ENPP6: variants seen among roughly 807,000 people sequenced by gnomAD.
ENPP6 encodes ectonucleotide pyrophosphatase/phosphodiesterase 6, also known as glycerophosphocholine cholinephosphodiesterase ENPP6.
Under a neutral mutation model 42.0 loss-of-function variants are expected in ENPP6, and 32 were observed. The observed-to-expected ratio is 0.76, with a 90% CI of 0.58 to 1.02. ENPP6 has a LOEUF of 1.02. Among genes scored for constraint, ENPP6 ranks in the 50% least tolerant of loss-of-function variants. The pLI is 0.00. For synonymous variants in ENPP6, 213 were observed against 216.0 expected, an observed-to-expected ratio of 0.99 and a Z score of 0.12; for missense variants, 552 against 566.8, an observed-to-expected ratio of 0.97 and a Z score of 0.27.
chr4:184,201,474 C>T (rs990782682), intron 1 of ENPP6, among the ~76,000 whole-genome samples: 1 of 151,452 alleles, frequency 6.6e-6, no homozygotes. Context: ...GTGGACAAGC[C>T]TTCTGGAAAC....
At chr4:184,101,304 TTGTGTGTGTGTGTGTGTGTGTGTGTG>T (rs56174532) in intron 6 of ENPP6, among the ~76,000 whole-genome samples, 3 of 137,098 alleles carry the variant, frequency 2.2e-5, no homozygotes, top group African/African-American at 8.2e-5. Context: ...GTGTGTGAGC[TTGTGTGTGTGTGTGTGTGTGTGTGTG>T]TGTGTGTGTG....
intron 3 of ENPP6, among the ~76,000 whole-genome samples, chr4:184,120,118 A>T (rs545030909): frequency 3.3e-5 from 5 of 152,306 alleles, no homozygotes; most frequent in South Asian, 2.1e-4. Context: ...TCCTCCTTCC[A>T]GGTGGCCCTA....
intron 2 of ENPP6, among the ~76,000 whole-genome samples, chr4:184,127,541 T>C (rs1736524399): frequency 6.6e-6 from 1 of 152,154 alleles, no homozygotes; most frequent in Non-Finnish European, 1.5e-5. Flanking sequence ...AAGCAAGACC[T>C]GAGGTCAGGA....
chr4:184,119,354 TGTGTGTGTGTG>T lies in ENPP6; in HGVS notation c.534-1465_534-1455del, dbSNP rs1736377603. On this transcript the variant is annotated intron_variant, in intron 3 of 7. Transcript: ENST00000296741. ...GTGTGTGTGTGTGTGTGTGTGTGTG[TGTGTGTGTGTG>T]TCTCATTTACTCCTTATAAGCAACT... Among the ~76,000 whole-genome samples, 3 of 122,814 alleles carry T rather than the reference TGTGTGTGTGTG, an allele frequency of 2.4e-5. No individual in the cohort carries two copies. The Admixed American group carries it at 2.8e-4, about 11-fold the overall frequency. The allele number at this position is 122,814 out of a possible 152,430, so 80.6% of individuals were successfully genotyped here. A position where few individuals can be genotyped will look rare whatever the true frequency, so the allele number is the denominator to read the frequency against.
At chr4:184,127,215 ACT>A (rs1298946352) in intron 2 of ENPP6, among the ~76,000 whole-genome samples, 1 of 152,210 alleles carries the variant, frequency 6.6e-6, no homozygotes, top group Non-Finnish European at 1.5e-5. Context: ...AAATTTTGAA[ACT>A]CATGTCATTT....
intron 1 of ENPP6, among the ~76,000 whole-genome samples, chr4:184,186,077 A>C (rs1732631173): frequency 6.6e-6 from 1 of 152,348 alleles, no homozygotes; most frequent in South Asian, 2.1e-4. Flanking sequence ...TCAGTGATTA[A>C]ATAAAGCAAA....
At chr4:184,172,962 G>A (rs1737494024) in intron 1 of ENPP6, among the ~76,000 whole-genome samples, 1 of 152,160 alleles carries the variant, frequency 6.6e-6, no homozygotes, top group Non-Finnish European at 1.5e-5. Flanking sequence ...CTCCCAGGCT[G>A]GAGTGCAGTA....
chr4:184,204,094 C>G (rs186086988), intron 1 of ENPP6: 1 of 152,190 alleles, frequency 6.6e-6, no homozygotes, highest in African/African-American at 2.4e-5. Flanking sequence ...GTGGTCTTCC[C>G]TCTGTGCCCG....
At position 184,088,919 on chromosome 4, in the gene ENPP6, A is replaced by G. The variant is rs1482701769; in HGVS notation, c.*2258T>C. The G allele has an allele frequency of 6.6e-6, 1 of 152,222 alleles. No homozygotes were observed. The highest frequency in any genetic ancestry group is 1.5e-5 in the Non-Finnish European group (1 of 68,040). The allele number at this position is 152,222 out of a possible 1,614,324, so 9.4% of individuals were successfully genotyped here. A position where few individuals can be genotyped will look rare whatever the true frequency, so the allele number is the denominator to read the frequency against. On this transcript the variant is annotated 3_prime_UTR_variant, in exon 8 of 8. Transcript: ENST00000296741. ...GGAAAATGGCAGAAGAGTTCAGGAA[A>G]GACAAAAATGCAAGACTGTGTCTAA...
intron 1 of ENPP6, among the ~76,000 whole-genome samples, chr4:184,202,264 A>G (rs914237141): frequency 6.6e-6 from 1 of 152,188 alleles, no homozygotes; most frequent in Non-Finnish European, 1.5e-5. Flanking sequence ...CTTTACTCAG[A>G]CTTCAGAAGA....
intron 1 of ENPP6, among the ~76,000 whole-genome samples, chr4:184,202,488 A>C (rs1732918996): frequency 1.3e-5 from 2 of 152,030 alleles, no homozygotes; most frequent in Non-Finnish European, 1.5e-5. Context: ...ACTTTCATCA[A>C]TTGCACGTTT....
chr4:184,137,223 A>C (rs1050487452), intron 2 of ENPP6, among the ~76,000 whole-genome samples: 1 of 152,246 alleles, frequency 6.6e-6, no homozygotes, highest in Admixed American at 6.5e-5. Context: ...CAGCCTCCTG[A>C]GTAGCTGGGA....
chr4:184,150,253 G>T (rs984895717), intron 2 of ENPP6, among the ~76,000 whole-genome samples: 1 of 152,080 alleles, frequency 6.6e-6, no homozygotes, highest in Non-Finnish European at 1.5e-5. Context: ...TTCACTGTGG[G>T]TCAATTTTTC....
chr4:184,091,033 A>G lies in ENPP6; in HGVS notation c.*144T>C. 2.7e-6 allele frequency: 2 copies of G among 748,414 alleles called. No individual in the cohort carries two copies. The highest frequency in any genetic ancestry group is 3.9e-6 in the Non-Finnish European group (2 of 516,876). 46.4% of individuals were successfully genotyped at this position (748,414 alleles called of 1,614,324 possible). ...ACAAGTAGGAACTTTTATGTATAGA[A>G]TTATCCAAGAATAATGTATTTACAA... On this transcript the variant is annotated 3_prime_UTR_variant, in exon 8 of 8. Transcript: ENST00000296741.
Position 184,213,051 on chromosome 4 carries a change from A to T in ENPP6, c.241+4528T>A, listed in dbSNP as rs1410630326. Among the ~76,000 whole-genome samples the T allele has an allele frequency of 3.9e-5, 6 of 151,936 alleles. No homozygotes were observed. In the East Asian group the frequency reaches 5.8e-4, roughly 15 times the overall value. ...GGCTAGCCATATGGAGAAAGCTGAAACTGGATCCCTTCCTTACACCTTATA... is the reference window on the plus strand; with the variant it reads ...GGCTAGCCATATGGAGAAAGCTGAATCTGGATCCCTTCCTTACACCTTATA... On this transcript the variant is annotated intron_variant, in intron 1 of 7. Transcript: ENST00000296741.
At chr4:184,196,094 C>G (rs1371552284) in intron 1 of ENPP6, among the ~76,000 whole-genome samples, 2 of 152,248 alleles carry the variant, frequency 1.3e-5, no homozygotes, top group Non-Finnish European at 2.9e-5. Flanking sequence ...AAGCCCAGCT[C>G]TGGTCTTCAA....
At chr4:184,217,491 T>C (rs1224394635) in intron 1 of ENPP6, 88 bp downstream of exon 1, 3 of 1,543,484 alleles carry the variant, frequency 1.9e-6, no homozygotes, top group Non-Finnish European at 2.6e-6. Flanking sequence ...TCCAGAGCAT[T>C]TAAATAAGAC....
intron 6 of ENPP6, among the ~76,000 whole-genome samples, chr4:184,107,771 C>T (rs12501151): frequency 0.22 from 34,053 of 151,706 alleles, 4,498 homozygotes; most frequent in African/African-American, 0.37. Flanking sequence ...AAAAATTAGC[C>T]GGGCGTGGTG....
chr4:184,131,208 CTTTCTTTCTT>C (rs1350822783), intron 2 of ENPP6, among the ~76,000 whole-genome samples: 1 of 84,380 alleles, frequency 1.2e-5, no homozygotes, highest in African/African-American at 5.1e-5. Flanking sequence ...TTTCTTCTTT[CTTTCTTTCTT>C]TTTCTTTCTT....
Sources: allele counts gnomAD v4.1 joint callset (sites outside exome capture counted in the v4.1 genomes callset), GRCh38; gene constraint gnomAD v4.1.1; transcripts MANE v1.5; gene names NCBI Gene and HGNC (gene_info 2026-07-23, HGNC 2026-07-21).